Variants in ST6GALNAC3 observed in about 807,000 individuals in gnomAD.
The protein encoded by ST6GALNAC3 is alpha-N-acetylgalactosaminide alpha-2,6-sialyltransferase 3.
Under a neutral mutation model 32.7 loss-of-function variants are expected in ST6GALNAC3, and 25 were observed. That is an observed-to-expected ratio of 0.76 (90% confidence interval 0.56 to 1.07). The LOEUF (loss-of-function observed/expected upper bound fraction) is 1.07, where lower values mean the gene tolerates loss of function less well. Among genes scored for constraint, ST6GALNAC3 ranks in the 50% least tolerant of loss-of-function variants. ST6GALNAC3 has a pLI of 0.00. For missense variants in ST6GALNAC3, 355 were observed against 382.4 expected, an observed-to-expected ratio of 0.93 and a Z score of 0.60; for synonymous variants, 129 against 133.1, an observed-to-expected ratio of 0.97 and a Z score of 0.21.
At chr1:76,340,158 G>A (rs1176573534) in intron 2 of ST6GALNAC3, among the ~76,000 whole-genome samples, 1 of 152,198 alleles carries the variant, frequency 6.6e-6, no homozygotes, top group African/African-American at 2.4e-5. Flanking sequence ...AGTCATCATT[G>A]CATGGTCCCT....
intron 1 of ST6GALNAC3, among the ~76,000 whole-genome samples, chr1:76,127,515 T>A (rs894013568): frequency 2.6e-5 from 4 of 152,230 alleles, no homozygotes; most frequent in African/African-American, 7.2e-5. Flanking sequence ...AATGGACTTG[T>A]CTAATTCTTC....
intron 3 of ST6GALNAC3, among the ~76,000 whole-genome samples, chr1:76,508,267 A>G (rs1661604769): frequency 2.0e-5 from 3 of 152,148 alleles, no homozygotes; most frequent in Non-Finnish European, 4.4e-5. Context: ...GTGAGAATCT[A>G]ATGCTGCTGC....
chr1:76,523,875 G>C (rs1662703801), intron 3 of ST6GALNAC3, among the ~76,000 whole-genome samples: 1 of 151,980 alleles, frequency 6.6e-6, no homozygotes, highest in Non-Finnish European at 1.5e-5. Flanking sequence ...AATGGTTTCT[G>C]TGTCCCCAAC....
intron 2 of ST6GALNAC3, among the ~76,000 whole-genome samples, chr1:76,366,580 T>A (rs904239093): frequency 1.3e-5 from 2 of 152,236 alleles, no homozygotes; most frequent in African/African-American, 2.4e-5. Flanking sequence ...TTCCATATGA[T>A]CATGGATATA....
At chr1:76,115,507 G>A (rs1350048685) in intron 1 of ST6GALNAC3, among the ~76,000 whole-genome samples, 2 of 152,170 alleles carry the variant, frequency 1.3e-5, no homozygotes, top group African/African-American at 4.8e-5. Context: ...TGATCATTTG[G>A]TAATGTATGT....
chr1:76,293,826 C>A (rs960101831), intron 1 of ST6GALNAC3, among the ~76,000 whole-genome samples: 1 of 151,862 alleles, frequency 6.6e-6, no homozygotes, highest in Non-Finnish European at 1.5e-5. Flanking sequence ...ATTGATGTTG[C>A]GAAAGAACTG....
chr1:76,387,586 C>T (rs1210560683), intron 2 of ST6GALNAC3, among the ~76,000 whole-genome samples: 2 of 151,958 alleles, frequency 1.3e-5, no homozygotes, highest in Admixed American at 6.6e-5. Context: ...TCTCCCTTGG[C>T]CCAAGTATTT....
intron 2 of ST6GALNAC3, among the ~76,000 whole-genome samples, chr1:76,328,277 T>C (rs987933427): frequency 1.3e-5 from 2 of 152,198 alleles, no homozygotes; most frequent in African/African-American, 4.8e-5. Flanking sequence ...TAATCTTGAT[T>C]GTTTTTGTTG....
chr1:76,211,121 C>T (rs949626579), intron 1 of ST6GALNAC3, among the ~76,000 whole-genome samples: 14 of 152,160 alleles, frequency 9.2e-5, no homozygotes, highest in Admixed American at 8.5e-4. Context: ...TCCCTATCTC[C>T]GAAGGATATG....
At chr1:76,167,007 C>G (rs1246119659) in intron 1 of ST6GALNAC3, among the ~76,000 whole-genome samples, 1 of 152,050 alleles carries the variant, frequency 6.6e-6, no homozygotes, top group African/African-American at 2.4e-5. Context: ...TTTCTCTTGC[C>G]TGATTGATCT....
chr1:76,483,557 C>CT, intron 3 of ST6GALNAC3, among the ~76,000 whole-genome samples: 1 of 152,212 alleles, frequency 6.6e-6, no homozygotes, highest in East Asian at 1.9e-4. Flanking sequence ...CCTTTGCCCA[C>CT]TTTTTGATGG....
chr1:76,175,515 A>T lies in ST6GALNAC3; in HGVS notation c.18+100631A>T, dbSNP rs534309383. Among the ~76,000 whole-genome samples the T allele has an allele frequency of 5.0e-4, 60 of 119,378 alleles. 2 individuals carry two copies. The highest frequency in any genetic ancestry group is 1.5e-3 in the African/African-American group (55 of 36,610). The allele number at this position is 119,378 out of a possible 152,430, so 78.3% of individuals were successfully genotyped here. ...TGAACCCCCTGAATCAGCTGCCCTGATGGATAGTTTTTTTTTTTTTGGTGT... is the reference window on the plus strand; with the variant it reads ...TGAACCCCCTGAATCAGCTGCCCTGTTGGATAGTTTTTTTTTTTTTGGTGT... On this transcript the variant is annotated intron_variant, in intron 1 of 4. Coordinates refer to ENST00000328299, the MANE Select transcript of ST6GALNAC3 (RefSeq NM_152996.4).
At chr1:76,149,454 C>G (rs1237636789) in intron 1 of ST6GALNAC3, among the ~76,000 whole-genome samples, 2 of 152,198 alleles carry the variant, frequency 1.3e-5, no homozygotes, top group African/African-American at 4.8e-5. Context: ...ATAATCCCCA[C>G]TTCCCCGCCC....
At chr1:76,165,877 ATTTG>A (rs1652092383) in intron 1 of ST6GALNAC3, among the ~76,000 whole-genome samples, 3 of 151,614 alleles carry the variant, frequency 2.0e-5, no homozygotes, top group Non-Finnish European at 2.9e-5. Flanking sequence ...TTTCTTGTAC[ATTTG>A]TTTGTATTTC....
intron 2 of ST6GALNAC3, among the ~76,000 whole-genome samples, chr1:76,370,819 T>C (rs916091623): frequency 1.1e-4 from 16 of 152,058 alleles, no homozygotes; most frequent in African/African-American, 3.9e-4. Flanking sequence ...CACCTACCCA[T>C]CTACCCATCA....
intron 1 of ST6GALNAC3, among the ~76,000 whole-genome samples, chr1:76,288,245 T>C (rs1659890170): frequency 6.6e-6 from 1 of 152,232 alleles, no homozygotes; most frequent in South Asian, 2.1e-4. Context: ...TTATTGTATC[T>C]TCTCCAACCT....
intron 3 of ST6GALNAC3, among the ~76,000 whole-genome samples, chr1:76,489,342 G>A (rs911737379): frequency 2.0e-5 from 3 of 151,976 alleles, no homozygotes; most frequent in African/African-American, 7.2e-5. Flanking sequence ...TATTTATTGA[G>A]TATGTACTAT....
chr1:76,099,782 A>G (rs1571146977), intron 1 of ST6GALNAC3, among the ~76,000 whole-genome samples: 1 of 152,168 alleles, frequency 6.6e-6, no homozygotes, highest in African/African-American at 2.4e-5. Flanking sequence ...ATTTTATTGT[A>G]AATAAATAAT....
intron 1 of ST6GALNAC3, among the ~76,000 whole-genome samples, chr1:76,289,836 T>G (rs1302993090): frequency 6.6e-6 from 1 of 152,174 alleles, no homozygotes; most frequent in East Asian, 1.9e-4. Context: ...AGGGAACCAG[T>G]GGAAGCCCAA....
Sources: allele counts gnomAD v4.1 joint callset (sites outside exome capture counted in the v4.1 genomes callset), GRCh38; gene constraint gnomAD v4.1.1; transcripts MANE v1.5; gene names NCBI Gene and HGNC (gene_info 2026-07-23, HGNC 2026-07-21).